The following FSIP1 variants were observed in gnomAD, a reference collection of about 807,000 sequenced individuals.
The protein encoded by FSIP1 is fibrous sheath interacting protein 1.
FSIP1 carries 65 observed loss-of-function variants against 60.9 expected under a neutral mutation model. The observed-to-expected ratio is 1.07, with a 90% CI of 0.87 to 1.31. FSIP1 has a LOEUF of 1.31. Ranked by LOEUF, FSIP1 falls within the 40% of genes most tolerant of loss-of-function variation. The pLI is 0.00. For missense variants in FSIP1, 675 were observed against 665.5 expected (o/e 1.01, Z -0.16); for synonymous variants, 209 against 221.2 (o/e 0.94, Z 0.49).
intron 5 of FSIP1, among the ~76,000 whole-genome samples, chr15:39,744,179 ATTTGAGAATCC>A (rs1324187070): frequency 6.6e-6 from 1 of 152,230 alleles, no homozygotes; most frequent in East Asian, 1.9e-4. Flanking sequence ...GATAGAGAGT[ATTTGAGAATCC>A]TTTGTACTTT....
chr15:39,756,015 G>C (rs1454393959), intron 5 of FSIP1, among the ~76,000 whole-genome samples: 1 of 152,050 alleles, frequency 6.6e-6, no homozygotes, highest in Non-Finnish European at 1.5e-5. Context: ...TGACCCCTCA[G>C]TAATGGGATG....
rs185896980 is a variant in FSIP1 at position 39,732,870 on chromosome 15, T to C, written c.891+5221A>G. Among the ~76,000 whole-genome samples, 37 of 152,278 alleles carry C rather than the reference T, an allele frequency of 2.4e-4. No homozygotes were observed. The East Asian group carries it at 6.0e-3, about 25-fold the overall frequency. On this transcript the variant is annotated intron_variant, in intron 8 of 11. Transcript: ENST00000350221. The stretch of plus-strand genomic sequence containing the variant: ...AGAAGTTCGGTATGATTTGAGAATA[T>C]AGTAAATAGGTTCCTTCTTCAAAGT...
At chr15:39,710,564 TA>T (rs1895465294) in intron 10 of FSIP1, among the ~76,000 whole-genome samples, 4 of 152,148 alleles carry the variant, frequency 2.6e-5, no homozygotes, top group Admixed American at 2.6e-4. Context: ...TAAATTTGTA[TA>T]GGGGAACCCA....
chr15:39,625,911 A>G (rs1190527210), intron 10 of FSIP1, among the ~76,000 whole-genome samples: 1 of 152,088 alleles, frequency 6.6e-6, no homozygotes, highest in East Asian at 1.9e-4. Flanking sequence ...GCTTGGCAAG[A>G]CTGTTTATTG....
intron 2 of FSIP1, among the ~76,000 whole-genome samples, chr15:39,771,670 A>G (rs1350282234): frequency 6.6e-6 from 1 of 152,234 alleles, no homozygotes; most frequent in Non-Finnish European, 1.5e-5. Context: ...TTTCTCTACC[A>G]TGAATTAACA....
chr15:39,749,428 C>T (rs1466416076), intron 5 of FSIP1, among the ~76,000 whole-genome samples: 3 of 142,454 alleles, frequency 2.1e-5, no homozygotes, highest in African/African-American at 7.9e-5. Flanking sequence ...AATATTACAC[C>T]AAACCAAATT....
intron 10 of FSIP1, among the ~76,000 whole-genome samples, chr15:39,641,760 C>T (rs1016715114): frequency 2.6e-5 from 4 of 152,084 alleles, no homozygotes; most frequent in Non-Finnish European, 4.4e-5. Context: ...ATAACAAAAC[C>T]GCGCAAGACT....
intron 5 of FSIP1, among the ~76,000 whole-genome samples, chr15:39,745,837 C>A (rs186454534): frequency 7.9e-5 from 12 of 152,182 alleles, no homozygotes; most frequent in Admixed American, 3.3e-4. Flanking sequence ...GTAATCCTGG[C>A]ACTTGGGAGG....
At chr15:39,733,863 C>G (rs1896509653) in intron 8 of FSIP1, among the ~76,000 whole-genome samples, 1 of 152,264 alleles carries the variant, frequency 6.6e-6, no homozygotes, top group African/African-American at 2.4e-5. Context: ...AAGACATGAG[C>G]TGCTCACTCC....
At chr15:39,697,245 T>C (rs1894857659) in intron 10 of FSIP1, among the ~76,000 whole-genome samples, 1 of 152,100 alleles carries the variant, frequency 6.6e-6, no homozygotes, top group African/African-American at 2.4e-5. Flanking sequence ...TTTCTAGATA[T>C]ACCAAACAAA....
intron 10 of FSIP1, among the ~76,000 whole-genome samples, chr15:39,662,044 A>G (rs531314162): frequency 4.6e-5 from 7 of 152,266 alleles, no homozygotes; most frequent in African/African-American, 1.4e-4. Flanking sequence ...CACAGGACTA[A>G]CTAGAAGCAG....
chr15:39,769,751 A>G (rs759784333), intron 3 of FSIP1, among the ~76,000 whole-genome samples: 2 of 152,214 alleles, frequency 1.3e-5, no homozygotes, highest in African/African-American at 4.8e-5. Flanking sequence ...GCCTGGTTGC[A>G]AAGAATACAA....
chr15:39,668,823 TA>T (rs1893604972), intron 10 of FSIP1, among the ~76,000 whole-genome samples: 1 of 152,190 alleles, frequency 6.6e-6, no homozygotes, highest in Non-Finnish European at 1.5e-5. Context: ...GCCACCCATT[TA>T]AAAATAATAA....
chr15:39,685,867 C>T (rs1894348645), intron 10 of FSIP1, among the ~76,000 whole-genome samples: 1 of 152,186 alleles, frequency 6.6e-6, no homozygotes, highest in South Asian at 2.1e-4. Context: ...CGATACACTC[C>T]AGACATTCTG....
At chr15:39,725,514 A>G (rs1488594068) in intron 9 of FSIP1, among the ~76,000 whole-genome samples, 1 of 152,214 alleles carries the variant, frequency 6.6e-6, no homozygotes, top group Non-Finnish European at 1.5e-5. Flanking sequence ...GTGACAGCTT[A>G]GAGAAAGTGC....
At chr15:39,705,264 T>C (rs1566893423) in intron 10 of FSIP1, among the ~76,000 whole-genome samples, 1 of 152,216 alleles carries the variant, frequency 6.6e-6, no homozygotes, top group Non-Finnish European at 1.5e-5. Flanking sequence ...AGGATCATTA[T>C]GCAACTTCAT....
chr15:39,776,261 T>C lies in FSIP1; in HGVS notation c.126+138A>G, dbSNP rs566717501. ...TTTTTCATATTAATCTAGATTAAAATCCAAGAAATCTGCAAGTGCTCCCCA... is the reference window on the plus strand; with the variant it reads ...TTTTTCATATTAATCTAGATTAAAACCCAAGAAATCTGCAAGTGCTCCCCA... On this transcript the variant is annotated intron_variant, in intron 2 of 11. Transcript: ENST00000350221. The C allele has an allele frequency of 4.4e-6, 3 of 682,570 alleles. No homozygotes were observed. The South Asian group carries it at 7.7e-5, about 17-fold the overall frequency. The allele number at this position is 682,570 out of a possible 1,614,324, so 42.3% of individuals were successfully genotyped here. A position where few individuals can be genotyped will look rare whatever the true frequency, so the allele number is the denominator to read the frequency against.
rs375369793 is a variant in FSIP1, at chr15:39,735,922, T to C, written c.891+2169A>G. On this transcript the variant is annotated intron_variant, in intron 8 of 11. Transcript: ENST00000350221. Reference sequence around the variant, plus strand: ...CAATATCACTGTCTTCCACTCCATATCTTGTCCCACTGGAAGGTCTTCAAG... The same window carrying C: ...CAATATCACTGTCTTCCACTCCATACCTTGTCCCACTGGAAGGTCTTCAAG... Among the ~76,000 whole-genome samples the C allele has an allele frequency of 9.8e-5, 15 of 152,310 alleles. No individual in the cohort carries two copies. The East Asian group carries it at 1.9e-3, about 20-fold the overall frequency.
At chr15:39,721,733 C>A (rs975695044) in intron 9 of FSIP1, among the ~76,000 whole-genome samples, 2 of 152,236 alleles carry the variant, frequency 1.3e-5, no homozygotes, top group Non-Finnish European at 2.9e-5. Context: ...ACCGGAGAAT[C>A]TGTGCCCCAT....
Sources: gnomAD v4.1 joint callset for allele counts (sites outside exome capture counted in the v4.1 genomes callset) on GRCh38, gnomAD v4.1.1 for gene constraint, MANE v1.5 for transcripts, NCBI Gene and HGNC (gene_info 2026-07-23, HGNC 2026-07-21) for gene names.